Variants in ZNF804B observed in about 807,000 individuals in gnomAD.
ZNF804B encodes the protein zinc finger protein 804B, also known as zinc finger 804B.
A neutral mutation model predicts 101.4 loss-of-function variants in ZNF804B; 80 were observed. That is an observed-to-expected ratio of 0.79 (90% CI 0.66 to 0.95). ZNF804B has a LOEUF of 0.95. Ranked by LOEUF, ZNF804B falls within the 40% of genes least tolerant of loss-of-function variation. The pLI is 0.00. For missense variants in ZNF804B, 1,673 were observed against 1,561.9 expected, an observed-to-expected ratio of 1.07 and a Z score of -1.20; for synonymous variants, 622 against 558.8, an observed-to-expected ratio of 1.11 and a Z score of -1.59.
At chr7:89,091,431 G>A (rs1789884658) in intron 1 of ZNF804B, among the ~76,000 whole-genome samples, 1 of 151,790 alleles carries the variant, frequency 6.6e-6, no homozygotes, top group African/African-American at 2.4e-5. Flanking sequence ...CAATTTCTTG[G>A]GTTGAGTATT....
At chr7:88,856,722 A>G (rs1437747799) in intron 1 of ZNF804B, among the ~76,000 whole-genome samples, 1 of 152,150 alleles carries the variant, frequency 6.6e-6, no homozygotes, top group South Asian at 2.1e-4. Context: ...TTGCCCATTC[A>G]GTATGATATT....
At chr7:89,028,700 C>T (rs573848665) in intron 1 of ZNF804B, among the ~76,000 whole-genome samples, 1 of 152,032 alleles carries the variant, frequency 6.6e-6, no homozygotes, top group Non-Finnish European at 1.5e-5. Flanking sequence ...TTTGTGCTGA[C>T]CCTTTTACAG....
chr7:89,099,579 C>T (rs1790023952), intron 1 of ZNF804B, among the ~76,000 whole-genome samples: 1 of 152,024 alleles, frequency 6.6e-6, no homozygotes, highest in Non-Finnish European at 1.5e-5. Context: ...GGATATCAAA[C>T]CACCATAATG....
intron 1 of ZNF804B, among the ~76,000 whole-genome samples, chr7:88,767,410 T>C (rs1474974868): frequency 2.6e-5 from 4 of 152,216 alleles, no homozygotes; most frequent in African/African-American, 9.6e-5. Flanking sequence ...CTCTTTCCAC[T>C]CACATATGTC....
At chr7:89,077,613 C>G (rs896366506) in intron 1 of ZNF804B, among the ~76,000 whole-genome samples, 2 of 152,054 alleles carry the variant, frequency 1.3e-5, no homozygotes, top group Non-Finnish European at 2.9e-5. Flanking sequence ...CAAAAGATAA[C>G]TTTTTTAAAG....
chr7:89,123,686 AT>A (rs1233402332), intron 1 of ZNF804B, among the ~76,000 whole-genome samples: 1 of 126,822 alleles, frequency 7.9e-6, no homozygotes, highest in Non-Finnish European at 1.6e-5. Context: ...CTTCTCATAT[AT>A]TTTACTATAT....
intron 2 of ZNF804B, among the ~76,000 whole-genome samples, chr7:89,312,994 C>A (rs1309733011): frequency 6.6e-6 from 1 of 152,108 alleles, no homozygotes. Context: ...TGTTAGTGAT[C>A]TGTAAATGTC....
intron 1 of ZNF804B, among the ~76,000 whole-genome samples, chr7:89,052,844 C>A (rs144567630): frequency 0.021 from 3,225 of 152,266 alleles, 44 homozygotes; most frequent in Non-Finnish European, 0.035. Flanking sequence ...CTTTGCACTG[C>A]AGTTTAAGAG....
intron 1 of ZNF804B, among the ~76,000 whole-genome samples, chr7:89,083,142 T>C (rs1480352936): frequency 2.0e-5 from 3 of 151,746 alleles, no homozygotes; most frequent in South Asian, 4.1e-4. Context: ...AAAGAAGACT[T>C]TAAAGAAGAA....
At chr7:89,174,161 T>C (rs1791282499) in intron 1 of ZNF804B, among the ~76,000 whole-genome samples, 1 of 151,998 alleles carries the variant, frequency 6.6e-6, no homozygotes, top group Admixed American at 6.6e-5. Flanking sequence ...CTTTTTGTGC[T>C]ATCAAGTACT....
At chr7:88,806,733 G>T (rs776244981) in intron 1 of ZNF804B, among the ~76,000 whole-genome samples, 25 of 152,088 alleles carry the variant, frequency 1.6e-4, no homozygotes, top group Non-Finnish European at 3.2e-4. Flanking sequence ...TTTAAGCTTT[G>T]CCTCTTGAGC....
chr7:89,107,599 A>C, intron 1 of ZNF804B, among the ~76,000 whole-genome samples: 1 of 152,122 alleles, frequency 6.6e-6, no homozygotes, highest in Non-Finnish European at 1.5e-5. Context: ...AACAGGAAAA[A>C]CCAGCATTTC....
In ZNF804B at chr7:89,297,088, A is replaced by G. The variant is rs540018145; in HGVS notation, c.250-30256A>G. Among the ~76,000 whole-genome samples, 4 of 152,200 alleles carry G rather than the reference A, an allele frequency of 2.6e-5. No homozygotes were observed. The South Asian group carries it at 8.3e-4, about 32-fold the overall frequency. ...AATGCTTTCATGAATACTAAATCAT[A>G]TAAAACTATCTTAATTAGTATAGGT... On this transcript the variant is annotated intron_variant, in intron 2 of 3. Coordinates refer to ENST00000333190, the MANE Select transcript of ZNF804B (RefSeq NM_181646.5).
intron 1 of ZNF804B, among the ~76,000 whole-genome samples, chr7:89,035,050 G>A (rs528361817): frequency 5.8e-4 from 89 of 152,190 alleles, no homozygotes; most frequent in African/African-American, 2.0e-3. Context: ...TACATTTTGG[G>A]GGAAGAAATT....
rs560006746 is a variant in ZNF804B, at chr7:89,182,771, C to T, written c.109-35384C>T. 9.2e-5 allele frequency among the ~76,000 whole-genome samples: 14 copies of T among 152,172 alleles called. 1 individual carries two copies. The highest frequency in any genetic ancestry group is 2.2e-4 in the African/African-American group (9 of 41,534). Reference sequence around the variant, plus strand: ...GCTGATTCATATACTCTGATTTGAGCGCCAATCATCTGCTTCTGCACAGGA... The same window carrying T: ...GCTGATTCATATACTCTGATTTGAGTGCCAATCATCTGCTTCTGCACAGGA... On this transcript the variant is annotated intron_variant, in intron 1 of 3. Coordinates refer to ENST00000333190, the MANE Select transcript of ZNF804B (RefSeq NM_181646.5).
At chr7:89,260,373 T>C in intron 2 of ZNF804B, among the ~76,000 whole-genome samples, 1 of 152,204 alleles carries the variant, frequency 6.6e-6, no homozygotes, top group East Asian at 1.9e-4. Context: ...AGGTACTTTT[T>C]TCCTTGTTAA....
At chr7:88,833,732 T>A (rs1791166793) in intron 1 of ZNF804B, among the ~76,000 whole-genome samples, 3 of 151,924 alleles carry the variant, frequency 2.0e-5, no homozygotes, top group Non-Finnish European at 4.4e-5. Context: ...TCAAATAATT[T>A]GATTGCATCT....
intron 1 of ZNF804B, among the ~76,000 whole-genome samples, chr7:89,072,502 C>G (rs2116299742): frequency 6.6e-6 from 1 of 152,294 alleles, no homozygotes; most frequent in East Asian, 1.9e-4. Context: ...TGAACTTGCA[C>G]TATCTCATCC....
intron 1 of ZNF804B, among the ~76,000 whole-genome samples, chr7:89,014,675 C>T (rs940415656): frequency 2.0e-5 from 3 of 152,138 alleles, no homozygotes; most frequent in Non-Finnish European, 4.4e-5. Flanking sequence ...AATGTCTGTT[C>T]AGATCATTTG....
Sources: gnomAD v4.1 joint callset for allele counts (sites outside exome capture counted in the v4.1 genomes callset) on GRCh38, gnomAD v4.1.1 for gene constraint, MANE v1.5 for transcripts, NCBI Gene and HGNC (gene_info 2026-07-23, HGNC 2026-07-21) for gene names.